Variants in PHACTR1 observed in about 807,000 individuals in gnomAD.
The protein encoded by PHACTR1 is RPEL repeat containing 1.
A neutral mutation model predicts 69.2 loss-of-function variants in PHACTR1; 16 were observed. The ratio of observed to expected loss-of-function variants is 0.23; its 90% CI spans 0.16 to 0.35. The LOEUF (loss-of-function observed/expected upper bound fraction) is 0.35, where lower values mean the gene tolerates loss of function less well. Ranked by LOEUF, PHACTR1 falls within the 10% of genes least tolerant of loss-of-function variation. PHACTR1 has a pLI of 1.00. For missense variants in PHACTR1, 510 were observed against 734.7 expected (o/e 0.69, Z 3.54); for synonymous variants, 312 against 284.5 (o/e 1.10, Z -0.97).
chr6:13,088,707 A>G (rs896243735), intron 5 of PHACTR1, among the ~76,000 whole-genome samples: 19 of 151,924 alleles, frequency 1.3e-4, no homozygotes, highest in African/African-American at 4.6e-4. Context: ...ATTTTTGCTC[A>G]CCTTTGATTC....
At chr6:12,821,627 T>C (rs1464566128) in intron 4 of PHACTR1, among the ~76,000 whole-genome samples, 4 of 152,174 alleles carry the variant, frequency 2.6e-5, no homozygotes, top group African/African-American at 9.7e-5. Context: ...AATGTCTCTG[T>C]ATGAATGCAA....
chr6:13,260,315 C>T (rs999869896), intron 10 of PHACTR1, among the ~76,000 whole-genome samples: 2 of 152,146 alleles, frequency 1.3e-5, no homozygotes, highest in Non-Finnish European at 2.9e-5. Context: ...ATCTCAGCTT[C>T]CCTAAACTGT....
intron 4 of PHACTR1, among the ~76,000 whole-genome samples, chr6:12,856,028 A>C (rs1003840223): frequency 1.3e-5 from 2 of 152,166 alleles, no homozygotes; most frequent in African/African-American, 4.8e-5. Context: ...AAATTGGAAG[A>C]AGATTGTGAC....
At chr6:12,834,390 G>C (rs1777926332) in intron 4 of PHACTR1, among the ~76,000 whole-genome samples, 1 of 152,168 alleles carries the variant, frequency 6.6e-6, no homozygotes. Flanking sequence ...TGTGAAGTCT[G>C]ATTCTCTAGG....
chr6:13,049,105 A>G (rs1031767377), intron 4 of PHACTR1, among the ~76,000 whole-genome samples: 5 of 152,224 alleles, frequency 3.3e-5, no homozygotes, highest in Admixed American at 2.6e-4. Context: ...TTATACCTTT[A>G]TAATACCCTG....
chr6:12,724,020 G>A (rs1438114795), intron 3 of PHACTR1, among the ~76,000 whole-genome samples: 1 of 152,174 alleles, frequency 6.6e-6, no homozygotes, highest in South Asian at 2.1e-4. Context: ...TGGGGAAGAT[G>A]CAAATGGACT....
At chr6:13,148,507 T>C (rs1381062816) in intron 5 of PHACTR1, among the ~76,000 whole-genome samples, 1 of 152,230 alleles carries the variant, frequency 6.6e-6, no homozygotes, top group African/African-American at 2.4e-5. Context: ...TTGTTCAAAC[T>C]AAGATCCAAT....
chr6:12,809,457 G>C (rs1245274860), intron 4 of PHACTR1, among the ~76,000 whole-genome samples: 1 of 152,096 alleles, frequency 6.6e-6, no homozygotes, highest in Non-Finnish European at 1.5e-5. Flanking sequence ...CATTGCTCTT[G>C]GCAGCCACTA....
chr6:13,122,336 T>C (rs1206250354), intron 5 of PHACTR1, among the ~76,000 whole-genome samples: 1 of 152,234 alleles, frequency 6.6e-6, no homozygotes, highest in Non-Finnish European at 1.5e-5. Flanking sequence ...TCAGCTTATG[T>C]CTGTAATTAG....
chr6:12,847,910 A>G (rs996393980), intron 4 of PHACTR1, among the ~76,000 whole-genome samples: 1 of 152,184 alleles, frequency 6.6e-6, no homozygotes, highest in Non-Finnish European at 1.5e-5. Flanking sequence ...CACTGATACC[A>G]GTTAACTGAG....
intron 4 of PHACTR1, among the ~76,000 whole-genome samples, chr6:13,000,382 T>C (rs1797928288): frequency 6.6e-6 from 1 of 152,100 alleles, no homozygotes; most frequent in African/African-American, 2.4e-5. Flanking sequence ...ACCCCGTCTC[T>C]ATAAAAAATT....
At chr6:13,014,301 C>T (rs1475440351) in intron 4 of PHACTR1, among the ~76,000 whole-genome samples, 2 of 152,172 alleles carry the variant, frequency 1.3e-5, no homozygotes, top group Non-Finnish European at 2.9e-5. Flanking sequence ...GGGCACTTTG[C>T]AGAGTGCCAC....
At chr6:12,957,872 C>A in intron 4 of PHACTR1, 2 of 985,484 alleles carry the variant, frequency 2.0e-6, no homozygotes, top group Non-Finnish European at 2.4e-6. Flanking sequence ...AAGGGGCTGC[C>A]TGGCACCGAG....
At chr6:13,094,794 TA>T (rs2127839650) in intron 5 of PHACTR1, among the ~76,000 whole-genome samples, 1 of 152,302 alleles carries the variant, frequency 6.6e-6, no homozygotes, top group South Asian at 2.1e-4. Context: ...TACACTAATA[TA>T]ATACAAAGTT....
At chr6:12,765,986 T>C (rs959507380) in intron 4 of PHACTR1, among the ~76,000 whole-genome samples, 1 of 152,176 alleles carries the variant, frequency 6.6e-6, no homozygotes, top group Admixed American at 6.5e-5. Flanking sequence ...ATGCAGAAGT[T>C]GAAATGAAGC....
chr6:13,284,567 T>TATATAG (rs1554187844), intron 13 of PHACTR1, among the ~76,000 whole-genome samples: 6 of 108,312 alleles, frequency 5.5e-5, no homozygotes, highest in African/African-American at 2.7e-4. Context: ...TATATATATA[T>TATATAG]ATAGATACAC....
chr6:13,053,332 CTT>C (rs1806258713), intron 4 of PHACTR1, 31 bp from the exon 5 acceptor site: 1 of 1,564,214 alleles, frequency 6.4e-7, no homozygotes, highest in African/African-American at 1.4e-5. Flanking sequence ...TTTTTTCTCT[CTT>C]TGTTTTCATC....
chr6:12,947,070 G>A (rs559094592), intron 4 of PHACTR1, among the ~76,000 whole-genome samples: 3 of 151,770 alleles, frequency 2.0e-5, no homozygotes, highest in Non-Finnish European at 2.9e-5. Context: ...CTCGGCCTCC[G>A]AAAGTGCTGG....
chr6:12,913,520 C>T (rs1166428612), intron 4 of PHACTR1, among the ~76,000 whole-genome samples: 1 of 152,222 alleles, frequency 6.6e-6, no homozygotes, highest in Non-Finnish European at 1.5e-5. Flanking sequence ...TCCCAGCTGA[C>T]TCCAGAGGCC....
Sources: allele counts gnomAD v4.1 joint callset (sites outside exome capture counted in the v4.1 genomes callset), GRCh38; gene constraint gnomAD v4.1.1; transcripts MANE v1.5; gene names NCBI Gene and HGNC (gene_info 2026-07-23, HGNC 2026-07-21).